The following ELSPBP1 variants were observed in gnomAD, a reference collection of about 807,000 sequenced individuals.
ELSPBP1 encodes epididymal sperm binding protein 1, also known as epididymal sperm-binding protein 1.
ELSPBP1 carries 38 observed loss-of-function variants against 33.3 expected under a neutral mutation model. That is an observed-to-expected ratio of 1.14 (90% CI 0.88 to 1.50). The LOEUF is 1.50. ELSPBP1 is among the 40% of genes most tolerant of loss of function. The pLI, the probability that ELSPBP1 is intolerant of heterozygous loss-of-function variation, is 0.00. For synonymous variants in ELSPBP1, 85 were observed against 94.1 expected (o/e 0.90, Z 0.56); for missense variants, 267 against 263.5 (o/e 1.01, Z -0.09).
At chr19:48,014,439 G>A (rs1600108559) in intron 3 of ELSPBP1, 131 bp downstream of exon 3, 2 of 944,938 alleles carry the variant, frequency 2.1e-6, no homozygotes, top group East Asian at 3.2e-5. Flanking sequence ...CGTAGAAAAG[G>A]CTCTGGGTTT....
intron 1 of ELSPBP1, among the ~76,000 whole-genome samples, chr19:48,003,064 C>T (rs1966983068): frequency 6.6e-6 from 1 of 152,146 alleles, no homozygotes; most frequent in Non-Finnish European, 1.5e-5. Context: ...CACCCCGGGG[C>T]TCAGGACAGA....
At chr19:48,000,303 C>G (rs965857137) in intron 1 of ELSPBP1, among the ~76,000 whole-genome samples, 1 of 148,884 alleles carries the variant, frequency 6.7e-6, no homozygotes, top group Non-Finnish European at 1.5e-5. Flanking sequence ...AAGACTGGCA[C>G]GATCTTGGCT....
chr19:48,009,975 C>G (rs1372686878), intron 2 of ELSPBP1, among the ~76,000 whole-genome samples: 4 of 152,072 alleles, frequency 2.6e-5, no homozygotes, highest in African/African-American at 9.7e-5. Flanking sequence ...TCTGGAGGAC[C>G]TTGGAGGAGA....
chr19:48,016,992 C>A (rs10414328), intron 4 of ELSPBP1, among the ~76,000 whole-genome samples: 25,233 of 152,100 alleles, frequency 0.17, 2,151 homozygotes, highest in South Asian at 0.23. Flanking sequence ...TCCTCTCTGT[C>A]CTACACTGAT....
At chr19:48,018,796 T>A (rs10417229) in intron 4 of ELSPBP1, among the ~76,000 whole-genome samples, 26,099 of 148,302 alleles carry the variant, frequency 0.18, 2,349 homozygotes, top group African/African-American at 0.23. Flanking sequence ...CAAAGGAAAT[T>A]AAAAAAAAAA....
rs372590878 is a variant in ELSPBP1 at position 48,008,649 on chromosome 19, A to G, written c.-17-2A>G. 8 of 1,612,616 alleles carry G rather than the reference A, an allele frequency of 5.0e-6. No individual in the cohort carries two copies. Among genetic ancestry groups the G allele is most frequent in the Non-Finnish European group, 6.8e-6 (8 of 1,179,166 alleles). The stretch of plus-strand genomic sequence containing the variant: ...TGAAAATTTTTGTCTTCTTTTCCAC[A>G]GAGAAGAGGGCAGCCAAGATGACCC... On this transcript the variant is annotated splice_acceptor_variant, in intron 1 of 6. Transcript: ENST00000339841. LOFTEE classifies it low-confidence loss of function (5UTR_SPLICE).
intron 1 of ELSPBP1, among the ~76,000 whole-genome samples, chr19:47,998,810 A>G (rs1025433932): frequency 6.8e-6 from 1 of 147,096 alleles, no homozygotes; most frequent in African/African-American, 2.5e-5. Context: ...AAAAAAATGC[A>G]GAGTCCAACC....
chr19:48,000,443 G>A (rs575998835), intron 1 of ELSPBP1, among the ~76,000 whole-genome samples: 35 of 151,448 alleles, frequency 2.3e-4, no homozygotes, highest in African/African-American at 7.8e-4. Context: ...GTTTCACTAT[G>A]TTGGTCAAGC....
At chr19:48,022,416 G>A in intron 6 of ELSPBP1, 82 bp downstream of exon 6, 2 of 1,261,142 alleles carry the variant, frequency 1.6e-6, no homozygotes, top group Non-Finnish European at 2.2e-6. Context: ...TGATGCGAAG[G>A]CGAGATCTGC....
intron 4 of ELSPBP1, among the ~76,000 whole-genome samples, chr19:48,017,411 A>G (rs1967153739): frequency 6.6e-6 from 1 of 152,226 alleles, no homozygotes; most frequent in Non-Finnish European, 1.5e-5. Context: ...TTGTCCTAGT[A>G]GTTAACCTAA....
intron 2 of ELSPBP1, among the ~76,000 whole-genome samples, chr19:48,012,210 C>T (rs1484694164): frequency 2.0e-5 from 3 of 152,172 alleles, no homozygotes; most frequent in Non-Finnish European, 2.9e-5. Context: ...ACTGTGGCCT[C>T]AACTACTCAG....
At chr19:48,015,868 C>CA in intron 3 of ELSPBP1, 25 bp from the exon 4 acceptor site, 1 of 1,586,338 alleles carries the variant, frequency 6.3e-7, no homozygotes, top group Non-Finnish European at 8.6e-7. Context: ...GAAGTTAAGA[C>CA]ACTCACGAAC....
intron 1 of ELSPBP1, among the ~76,000 whole-genome samples, chr19:48,003,539 CTTTTT>C (rs34961390): frequency 7.2e-6 from 1 of 138,882 alleles, no homozygotes. Flanking sequence ...CACCCCTGCT[CTTTTT>C]TTTTTTTTTT....
intron 4 of ELSPBP1, among the ~76,000 whole-genome samples, chr19:48,018,698 C>G (rs1304436928): frequency 6.6e-6 from 1 of 152,092 alleles, no homozygotes; most frequent in African/African-American, 2.4e-5. Flanking sequence ...GAAGTCTAAC[C>G]TTCAGAATTT....
intron 2 of ELSPBP1, among the ~76,000 whole-genome samples, chr19:48,013,715 T>TAAA (rs1247198562): frequency 8.1e-6 from 1 of 123,784 alleles, no homozygotes; most frequent in African/African-American, 3.2e-5. Context: ...AGACTTCATC[T>TAAA]CAAAAAAAAA....
intron 1 of ELSPBP1, among the ~76,000 whole-genome samples, chr19:48,000,497 C>G (rs1684956477): frequency 1.3e-5 from 2 of 152,176 alleles, no homozygotes; most frequent in South Asian, 4.1e-4. Flanking sequence ...CCTCGGCCTC[C>G]CAAAGTGCCG....
intron 1 of ELSPBP1, among the ~76,000 whole-genome samples, chr19:47,999,911 A>G (rs547303275): frequency 1.3e-5 from 2 of 150,826 alleles, no homozygotes; most frequent in African/African-American, 4.9e-5. Flanking sequence ...CAGCCTCAAT[A>G]TCCTGGGCTC....
intron 2 of ELSPBP1, among the ~76,000 whole-genome samples, chr19:48,010,331 G>C (rs1274005655): frequency 3.3e-5 from 5 of 152,108 alleles, no homozygotes; most frequent in Admixed American, 3.3e-4. Flanking sequence ...ATGCCTCCCT[G>C]AGACCACACC....
chr19:48,012,985 C>T (rs1223536089), intron 2 of ELSPBP1, among the ~76,000 whole-genome samples: 1 of 152,134 alleles, frequency 6.6e-6, no homozygotes, highest in African/African-American at 2.4e-5. Flanking sequence ...CTGCTCCCCA[C>T]CCCCCTCTCT....
Sources: allele counts gnomAD v4.1 joint callset (sites outside exome capture counted in the v4.1 genomes callset), GRCh38; gene constraint gnomAD v4.1.1; transcripts MANE v1.5; gene names NCBI Gene and HGNC (gene_info 2026-07-23, HGNC 2026-07-21).